The following TSHR variants were observed in gnomAD, a reference collection of about 807,000 sequenced individuals.
TSHR encodes the protein thyroid stimulating hormone receptor.
A neutral mutation model predicts 64.1 loss-of-function variants in TSHR; 51 were observed. That is an observed-to-expected ratio of 0.80 (90% CI 0.64 to 1.01). The LOEUF (loss-of-function observed/expected upper bound fraction) is 1.01, where lower values mean the gene tolerates loss of function less well. Among genes scored for constraint, TSHR ranks in the 50% least tolerant of loss-of-function variants. The pLI, the probability that TSHR is intolerant of heterozygous loss-of-function variation, is 0.00. For missense variants in TSHR, 877 were observed against 942.8 expected (o/e 0.93, Z 0.91); for synonymous variants, 361 against 361.9 (o/e 1.00, Z 0.03).
At chr14:80,999,592 G>C (rs7150082) in intron 1 of TSHR, among the ~76,000 whole-genome samples, 19,908 of 151,780 alleles carry the variant, frequency 0.13, 1,690 homozygotes, top group East Asian at 0.43. Context: ...AACTATACAG[G>C]GTTGCTTTAA....
chr14:81,088,633 A>G (rs560639538), intron 4 of TSHR, among the ~76,000 whole-genome samples: 5 of 152,282 alleles, frequency 3.3e-5, no homozygotes, highest in East Asian at 1.9e-4. Flanking sequence ...TGTTCAGTGG[A>G]TGTGTCTGTA....
chr14:80,991,838 C>T (rs1182283549), intron 1 of TSHR: 6 of 360,482 alleles, frequency 1.7e-5, no homozygotes, highest in Admixed American at 4.7e-5. Context: ...TCTCTTGATG[C>T]TAAAGTGATT....
intron 1 of TSHR, chr14:81,033,052 G>A (rs890713608): frequency 1.9e-5 from 7 of 360,568 alleles, no homozygotes; most frequent in Admixed American, 1.4e-4. Flanking sequence ...GAAGAGTGAA[G>A]ACATCACCCA....
Position 81,143,257 on chromosome 14 carries a change from C to T in TSHR, c.1199C>T (p.Pro400Leu). Residue 400 changes from proline to leucine, a missense_variant, in exon 10 of 10, where the codon CCC becomes CTC. Transcript: ENST00000298171. ...CGDSEDMVCT[P>L]KSDEFNPCED... ...GACAGTGAAGACATGGTGTGTACCC[C>T]CAAGTCCGATGAGTTCAACCCGTGT... is the stretch of plus-strand genomic sequence containing the variant. 1 of 1,614,118 alleles carries T rather than the reference C, an allele frequency of 6.2e-7. No individual in the cohort carries two copies. Among genetic ancestry groups the T allele is most frequent in the Non-Finnish European group, 8.5e-7 (1 of 1,180,038 alleles).
intron 1 of TSHR, among the ~76,000 whole-genome samples, chr14:80,973,900 C>T (rs892783706): frequency 2.6e-5 from 4 of 151,960 alleles, no homozygotes; most frequent in African/African-American, 9.7e-5. Flanking sequence ...TTATTTTTCC[C>T]CAACCTGCTT....
chr14:80,970,296 A>C (rs1887527379), intron 1 of TSHR, among the ~76,000 whole-genome samples: 1 of 152,250 alleles, frequency 6.6e-6, no homozygotes, highest in Non-Finnish European at 1.5e-5. Flanking sequence ...TTTCTATCAT[A>C]AAATCAATTG....
intron 3 of TSHR, among the ~76,000 whole-genome samples, chr14:81,082,467 AG>A: frequency 6.6e-6 from 1 of 152,306 alleles, no homozygotes; most frequent in Admixed American, 6.5e-5. Flanking sequence ...TGTGTATAAA[AG>A]TCAAGTGCTG....
chr14:80,972,603 T>C (rs1325330455), intron 1 of TSHR, among the ~76,000 whole-genome samples: 1 of 152,202 alleles, frequency 6.6e-6, no homozygotes, highest in Non-Finnish European at 1.5e-5. Flanking sequence ...CTCTCTCAGT[T>C]GATGTGAAAT....
chr14:81,124,918 G>T (rs1462818392), intron 8 of TSHR, among the ~76,000 whole-genome samples: 1 of 151,452 alleles, frequency 6.6e-6, no homozygotes, highest in Non-Finnish European at 1.5e-5. Flanking sequence ...TAAAATTTTT[G>T]ACCTAAATAA....
At chr14:80,977,407 T>C (rs1180759172) in intron 1 of TSHR, among the ~76,000 whole-genome samples, 1 of 152,196 alleles carries the variant, frequency 6.6e-6, no homozygotes, top group African/African-American at 2.4e-5. Context: ...CTGCCTGACA[T>C]TCTGACTTAA....
chr14:81,054,632 A>G (rs1005376577), intron 1 of TSHR, among the ~76,000 whole-genome samples: 4 of 152,198 alleles, frequency 2.6e-5, no homozygotes, highest in Non-Finnish European at 1.5e-5. Context: ...GAACTGGAGC[A>G]AAGGTGACTC....
chr14:81,044,943 C>T (rs1026708391), intron 1 of TSHR, among the ~76,000 whole-genome samples: 17 of 152,108 alleles, frequency 1.1e-4, no homozygotes, highest in Admixed American at 5.2e-4. Context: ...CAAAGATATG[C>T]ACACATATAT....
chr14:81,030,660 T>C (rs1283037948), intron 1 of TSHR, among the ~76,000 whole-genome samples: 1 of 152,200 alleles, frequency 6.6e-6, no homozygotes, highest in Non-Finnish European at 1.5e-5. Context: ...TTTTTGATAA[T>C]GCTGAATGGA....
In TSHR at chr14:81,072,723, CATT is replaced by C. The variant is rs140595391; in HGVS notation, c.317+4398_317+4400del. ...TGCTGCTTACAAGAGACATTTTAAACATTATACAGAAAGGTTGAAAGTGAAAAG... is the reference window on the plus strand; with the variant it reads ...TGCTGCTTACAAGAGACATTTTAAACATACAGAAAGGTTGAAAGTGAAAAG... On this transcript the variant is annotated intron_variant, in intron 3 of 9. Transcript: ENST00000298171. Among the ~76,000 whole-genome samples the C allele has an allele frequency of 9.6e-3, 1,435 of 149,914 alleles. 24 individuals are homozygous for C. Among genetic ancestry groups the C allele is most frequent in the African/African-American group, 0.034 (1,344 of 39,556 alleles).
At chr14:81,051,790 G>T (rs979530726) in intron 1 of TSHR, 1 of 152,090 alleles carries the variant, frequency 6.6e-6, no homozygotes, top group Admixed American at 6.6e-5. Context: ...GTTGAGTAGT[G>T]ATGTTGAGCA....
chr14:80,984,924 C>G (rs532235451), intron 1 of TSHR, among the ~76,000 whole-genome samples: 1 of 152,210 alleles, frequency 6.6e-6, no homozygotes, highest in South Asian at 2.1e-4. Flanking sequence ...CTGAAATCAT[C>G]CTGTACATTG....
At chr14:81,029,449 G>A (rs772571207) in intron 1 of TSHR, among the ~76,000 whole-genome samples, 4 of 151,998 alleles carry the variant, frequency 2.6e-5, no homozygotes, top group Non-Finnish European at 5.9e-5. Context: ...GAAGGGGAGC[G>A]AAAAGAGAGC....
chr14:81,122,375 T>C (rs76640206), intron 8 of TSHR, among the ~76,000 whole-genome samples: 3,894 of 151,418 alleles, frequency 0.026, 160 homozygotes, highest in African/African-American at 0.089. Flanking sequence ...TTGGAGCATG[T>C]AGAAAACTTA....
At chr14:81,054,022 G>A (rs1157789103) in intron 1 of TSHR, among the ~76,000 whole-genome samples, 1 of 152,188 alleles carries the variant, frequency 6.6e-6, no homozygotes, top group Non-Finnish European at 1.5e-5. Flanking sequence ...TCCTATAGAA[G>A]AGCAGGATTG....
Sources: allele counts gnomAD v4.1 joint callset (sites outside exome capture counted in the v4.1 genomes callset), GRCh38; gene constraint gnomAD v4.1.1; transcripts MANE v1.5; gene names NCBI Gene and HGNC (gene_info 2026-07-23, HGNC 2026-07-21).